Variants in MYO15A observed in about 807,000 individuals in gnomAD.
The protein encoded by MYO15A is myosin XVA, also known as unconventional myosin-XV.
A neutral mutation model predicts 394.6 loss-of-function variants in MYO15A; 308 were observed. The ratio of observed to expected loss-of-function variants is 0.78; its 90% CI spans 0.71 to 0.86. MYO15A has a LOEUF of 0.86. Among genes scored for constraint, MYO15A ranks in the 40% least tolerant of loss-of-function variants. The pLI is 0.00. For missense variants in MYO15A, 4,606 were observed against 4,799.1 expected (o/e 0.96, Z 1.19); for synonymous variants, 1,957 against 2,003.8 (o/e 0.98, Z 0.62).
chr17:18,120,408 G>A lies in MYO15A; in HGVS notation c.1608G>A (p.Thr536=). The A allele has an allele frequency of 6.2e-7, 1 of 1,604,462 alleles. No homozygotes were observed. Among genetic ancestry groups the A allele is most frequent in the East Asian group, 2.2e-5 (1 of 44,594 alleles). The part of the protein sequence containing the change: ...PYGHPFWGFL[T]PRQRNLQRAL... ...GCCACCCTTTCTGGGGCTTCCTCACGCCGCGCCAGCGCAACCTCCAGCGCG... is the reference window on the plus strand; with the variant it reads ...GCCACCCTTTCTGGGGCTTCCTCACACCGCGCCAGCGCAACCTCCAGCGCG... Residue 536 remains threonine, a synonymous_variant, in exon 2 of 66, where the codon ACG becomes ACA. Transcript: ENST00000647165.
chr17:18,179,065 A>G lies in MYO15A; in HGVS notation c.*195A>G. On this transcript the variant is annotated 3_prime_UTR_variant, in exon 66 of 66. Transcript: ENST00000647165. ...TCCTGAACTGGGATGGAATGGCAGCATGCAAACTTGGATCAGATAGCAGGA... is the reference window on the plus strand; with the variant it reads ...TCCTGAACTGGGATGGAATGGCAGCGTGCAAACTTGGATCAGATAGCAGGA... 1 of 641,956 alleles carries G rather than the reference A, an allele frequency of 1.6e-6. No individual in the cohort carries two copies. The highest frequency in any genetic ancestry group is 1.8e-5 in the South Asian group (1 of 55,330). 39.8% of individuals were successfully genotyped at this position (641,956 alleles called of 1,614,324 possible).
In MYO15A at chr17:18,151,543, G is replaced by A. The variant is rs753785218; in HGVS notation, c.7787+16G>A. 25 of 1,613,010 alleles carry A rather than the reference G, an allele frequency of 1.5e-5. No individual in the cohort carries two copies. In the Admixed American group the frequency reaches 3.0e-4, roughly 19 times the overall value. On this transcript the variant is annotated intron_variant, in intron 40 of 65. Coordinates refer to ENST00000647165, the MANE Select transcript of MYO15A (RefSeq NM_016239.4). Reference sequence around the variant, plus strand: ...AGGCCCTCAGGTCAGCACTGCCCCTGCCCCCAGCCCGCCAGCCCCCTCACT... The same window carrying A: ...AGGCCCTCAGGTCAGCACTGCCCCTACCCCCAGCCCGCCAGCCCCCTCACT...
In MYO15A at chr17:18,120,522, G is replaced by T. The variant is rs1286818898; in HGVS notation, c.1722G>T (p.Arg574=). Residue 574 remains arginine (R), a synonymous_variant, in exon 2 of 66, where the codon CGG becomes CGT. Coordinates refer to ENST00000647165, the MANE Select transcript of MYO15A (RefSeq NM_016239.4). ...PVPRPATSLA[R]FLKKTLSEKK... ...CTCGCCCTGCCACCTCGCTTGCGCG[G>T]TTCCTCAAGAAGACGCTGTCGGAGA... 1.9e-6 allele frequency: 3 copies of T among 1,589,410 alleles called. No individual in the cohort carries two copies. The highest frequency in any genetic ancestry group is 2.7e-5 in the African/African-American group (2 of 74,572).
chr17:18,137,884 G>T, intron 16 of MYO15A: 1 of 830,456 alleles, frequency 1.2e-6, no homozygotes, highest in Non-Finnish European at 1.9e-6. Flanking sequence ...TCAGAGAGGA[G>T]TCCCCTTGGT....
At chr17:18,137,826 C>G (rs1567640741) in intron 16 of MYO15A, 147 bp downstream of exon 16, 2 of 1,021,554 alleles carry the variant, frequency 2.0e-6, no homozygotes. Context: ...GGGGACCAGC[C>G]CATGGGAAGG....
intron 47 of MYO15A, chr17:18,155,873 T>G (rs2046666223): frequency 4.5e-6 from 2 of 445,616 alleles, no homozygotes; most frequent in Admixed American, 7.0e-5. Flanking sequence ...AAAACCTGCA[T>G]GCTTTGAAAG....
chr17:18,124,195 C>T (rs754979629), intron 2 of MYO15A: 10 of 469,366 alleles, frequency 2.1e-5, no homozygotes, highest in Non-Finnish European at 4.0e-5. Flanking sequence ...CTGGCCCATG[C>T]GCCCATGTAC....
Position 18,159,659 on chromosome 17 carries a change from G to A in MYO15A, c.9283G>A (p.Val3095Met), listed in dbSNP as rs541519365. The change falls in exon 55 of 66, where the codon GTG (valine) becomes ATG (methionine). Residue 3095 changes from valine (V) to methionine (M), a missense_variant. Coordinates refer to ENST00000647165, the MANE Select transcript of MYO15A (RefSeq NM_016239.4). ...APLKGQSDLD[V>M]LCNLLKLCGD... ...ACTGAAGGGCCAGAGTGACCTGGAC[G>A]TGCTTTGTAACCTCCTGAAGGTCAG... 49 of 1,613,988 alleles carry A rather than the reference G, an allele frequency of 3.0e-5. No individual in the cohort carries two copies. In the South Asian group the frequency reaches 4.2e-4, roughly 14 times the overall value.
At chr17:18,141,608 C>T (rs772269285) in intron 22 of MYO15A, 45 bp from the exon 23 acceptor site, 11 of 1,567,522 alleles carry the variant, frequency 7.0e-6, no homozygotes, top group South Asian at 3.3e-5. Context: ...GCAGACACCT[C>T]GGGTAGGTCT....
chr17:18,133,255 G>A lies in MYO15A; in HGVS notation c.4351G>A (p.Asp1451Asn), dbSNP rs767270134. Residue 1451 changes from aspartate to asparagine, a missense_variant, in exon 12 of 66, where the codon GAT becomes AAT. Around this residue, in one of 2 missense-constraint regions of MYO15A, gnomAD observed 2,776 missense variants for 3,109.3 expected, o/e 0.89. Transcript: ENST00000647165. ...GGNCEIAGKS[D>N]ADDFRRLLAA... is the part of the protein sequence containing the mutation. The stretch of plus-strand genomic sequence containing the variant: ...GAACTGTGAGATAGCAGGAAAGAGC[G>A]ATGCAGATGACTTTCGCCGGCTCCT... The A allele has an allele frequency of 7.4e-6, 12 of 1,614,140 alleles. No individual in the cohort carries two copies. Among genetic ancestry groups the A allele is most frequent in the South Asian group, 5.5e-5 (5 of 91,082 alleles).
chr17:18,141,348 TATA>T lies in MYO15A; in HGVS notation c.5531+209_5531+211del, dbSNP rs3830673. Among the ~76,000 whole-genome samples, 21,897 of 152,222 alleles carry T rather than the reference TATA, an allele frequency of 0.14. 2,177 individuals are homozygous for T. Among genetic ancestry groups the T allele is most frequent in the East Asian group, 0.5 (2,574 of 5,152 alleles). The stretch of plus-strand genomic sequence containing the variant: ...TTTTGTAGTTATATGTTGTATAACG[TATA>T]ATATGTCTAATCAACGCTCCGCGTT... On this transcript the variant is annotated intron_variant, in intron 22 of 65. Transcript: ENST00000647165.
rs993724465 is a variant in MYO15A, at chr17:18,143,570, G to A, written c.5915G>A (p.Arg1972Lys). 2 of 1,558,270 alleles carry A rather than the reference G, an allele frequency of 1.3e-6. No individual in the cohort carries two copies. Among genetic ancestry groups the A allele is most frequent in the Non-Finnish European group, 1.7e-6 (2 of 1,150,796 alleles). Residue 1972 changes from arginine (R) to lysine (K), a missense_variant, in exon 26 of 66, where the codon AGG (arginine) becomes AAG (lysine). Arg to Lys is a conservative substitution (Grantham distance 26, BLOSUM62 2). Transcript: ENST00000647165. ...YVSRRRYLKL[R>K]AEWRCQVEGA... Reference sequence around the variant, plus strand: ...CTGACATCTTCTCTTCTGAAGCTGAGGGCAGAGTGGAGGTGCCAGGTGGAG... The same window carrying A: ...CTGACATCTTCTCTTCTGAAGCTGAAGGCAGAGTGGAGGTGCCAGGTGGAG...
intron 60 of MYO15A, 43 bp downstream of exon 60, chr17:18,163,881 C>G: frequency 6.3e-7 from 1 of 1,589,126 alleles, no homozygotes; most frequent in Non-Finnish European, 8.6e-7. Context: ...CATTCCCATC[C>G]CCGGGCCTTG....
intron 62 of MYO15A, among the ~76,000 whole-genome samples, chr17:18,169,048 G>A (rs1475117223): frequency 1.3e-5 from 2 of 150,756 alleles, no homozygotes; most frequent in Admixed American, 6.6e-5. Context: ...TGGAGGTGGA[G>A]GTTGCAGTGA....
rs373055328 is a variant in MYO15A, at chr17:18,142,173, G to T, written c.5744G>T (p.Gly1915Val). The T allele has an allele frequency of 6.2e-7, 1 of 1,613,846 alleles. No individual in the cohort carries two copies. The highest frequency in any genetic ancestry group is 8.5e-7 in the Non-Finnish European group (1 of 1,180,024). Residue 1915 changes from glycine to valine, a missense_variant, in exon 24 of 66, where the codon GGC (glycine) becomes GTC (valine). By Grantham distance (109) the Gly-to-Val change is moderately radical. This residue lies in a region of MYO15A where 2,776 missense variants were observed against 3,109.3 expected (regional missense o/e 0.89). Transcript: ENST00000647165. ...CTCACTCTGCAGCGCTGCCTCCGTG[G>T]CTTCTTCATTAAGCGGCGATTCCGC... ...AALTLQRCLR[G>V]FFIKRRFRSL...
chr17:18,127,964 G>A (rs1328627653), intron 7 of MYO15A, among the ~76,000 whole-genome samples: 1 of 151,814 alleles, frequency 6.6e-6, no homozygotes, highest in South Asian at 2.1e-4. Context: ...GCAATCGTAA[G>A]TGTGGTGGTC....
At position 18,132,592 on chromosome 17, in the gene MYO15A, C is replaced by T. The variant is rs772291653; in HGVS notation, c.4320+26C>T. On this transcript the variant is annotated intron_variant, in intron 11 of 65. Transcript: ENST00000647165. The surrounding 1 kb of genome is among the most constrained non-coding windows in gnomAD (Gnocchi z 4.6). ...GTGAGTGCCAGCAGGCATCTGAAGG[C>T]CCCTGGCCCTGGTCCTCCCACCCCG... The T allele has an allele frequency of 1.1e-4, 169 of 1,588,778 alleles. No individual in the cohort carries two copies. Among genetic ancestry groups the T allele is most frequent in the Non-Finnish European group, 1.4e-4 (167 of 1,164,262 alleles).
At chr17:18,129,602 C>T (rs2046114901) in intron 7 of MYO15A, among the ~76,000 whole-genome samples, 1 of 152,154 alleles carries the variant, frequency 6.6e-6, no homozygotes, top group Non-Finnish European at 1.5e-5. Context: ...GAGGAAGTGC[C>T]TCAGCTGAAG....
At position 18,124,564 on chromosome 17, in the gene MYO15A, G is replaced by C; in HGVS notation, c.3691G>C (p.Glu1231Gln). 3 of 1,613,070 alleles carry C rather than the reference G, an allele frequency of 1.9e-6. No individual in the cohort carries two copies. Among genetic ancestry groups the C allele is most frequent in the Non-Finnish European group, 2.5e-6 (3 of 1,179,942 alleles). The change falls in exon 3 of 66, where the codon GAA becomes CAA. Residue 1231 changes from glutamate to glutamine, a missense_variant and splice_region_variant. Coordinates refer to ENST00000647165, the MANE Select transcript of MYO15A (RefSeq NM_016239.4). The part of the protein sequence containing the change: ...EDGVEDMTQL[E>Q]DLQETTVLSN... The stretch of plus-strand genomic sequence containing the variant: ...TGGTGTGGAGGACATGACACAGCTG[G>C]AGTGAGTGGGCAGGGCCGGCGGGGT...
Sources: gnomAD v4.1 joint callset for allele counts (sites outside exome capture counted in the v4.1 genomes callset) on GRCh38, gnomAD v4.1.1 for gene constraint, gnomAD v4.1.1 regional missense constraint, Gnocchi (gnomAD v3.1) non-coding constraint, MANE v1.5 for transcripts, NCBI Gene and HGNC (gene_info 2026-07-23, HGNC 2026-07-21) for gene names.